Variants in SRP9 observed in about 807,000 individuals in gnomAD.
The protein encoded by SRP9 is signal recognition particle 9 kDa protein.
A neutral mutation model predicts 11.7 loss-of-function variants in SRP9; 2 were observed. That is an observed-to-expected ratio of 0.17 (90% CI 0.07 to 0.54). The LOEUF (loss-of-function observed/expected upper bound fraction) is 0.54. Among genes scored for constraint, SRP9 ranks in the 20% least tolerant of loss-of-function variants. The pLI is 0.94. For missense variants in SRP9, 54 were observed against 108.1 expected (o/e 0.50, Z 2.22); for synonymous variants, 27 against 35.6 (o/e 0.76, Z 0.86).
intron 2 of SRP9, among the ~76,000 whole-genome samples, chr1:225,784,524 C>T (rs1403578835): frequency 1.3e-5 from 2 of 151,376 alleles, no homozygotes; most frequent in Non-Finnish European, 2.9e-5. Flanking sequence ...GGTGGGATTA[C>T]AGGCATGAAC....
At chr1:225,780,111 T>G (rs948948143) in intron 1 of SRP9, among the ~76,000 whole-genome samples, 1 of 151,478 alleles carries the variant, frequency 6.6e-6, no homozygotes, top group Non-Finnish European at 1.5e-5. Context: ...TGAACTGGGC[T>G]CGAGTGATCC....
In SRP9 at chr1:225,786,763, T is replaced by C. The variant is rs76346426; in HGVS notation, c.142-2477T>C. 445 of 1,187,964 alleles carry C rather than the reference T, an allele frequency of 3.7e-4. 5 individuals carry two copies. The African/African-American group carries it at 7.0e-3, about 19-fold the overall frequency. The allele number at this position is 1,187,964 out of a possible 1,614,324, so 73.6% of individuals were successfully genotyped here. On this transcript the variant is annotated intron_variant, in intron 2 of 2. Transcript: ENST00000304786. ...GTATCATAGTGATAGTAAAAAAATA[T>C]ATGAAAGTATCTAACATGAGTGCTT...
chr1:225,780,033 C>T (rs545179136), intron 1 of SRP9, among the ~76,000 whole-genome samples: 1 of 152,288 alleles, frequency 6.6e-6, no homozygotes, highest in East Asian at 1.9e-4. Context: ...TCACCTCTTA[C>T]CCAGTCAGAA....
At chr1:225,778,768 A>G (rs1665736568) in intron 1 of SRP9, among the ~76,000 whole-genome samples, 1 of 152,194 alleles carries the variant, frequency 6.6e-6, no homozygotes, top group Admixed American at 6.5e-5. Flanking sequence ...TGTCATGTCT[A>G]AGAATTATTT....
rs1310533082 is a variant in SRP9, at chr1:225,789,527, A to G, written c.*168A>G. ...ATTACTTTAGAGAGCTAGGGATGCA[A>G]ATGTTTTCAGTTAGAAAGCCTTTAT... On this transcript the variant is annotated 3_prime_UTR_variant, in exon 3 of 3. Transcript: ENST00000304786. The G allele has an allele frequency of 2.9e-5, 19 of 647,942 alleles. No individual in the cohort carries two copies. Among genetic ancestry groups the G allele is most frequent in the Non-Finnish European group, 3.8e-5 (16 of 419,210 alleles). The allele number at this position is 647,942 out of a possible 1,614,324, so 40.1% of individuals were successfully genotyped here. A position where few individuals can be genotyped will look rare whatever the true frequency, so the allele number is the denominator to read the frequency against.
At chr1:225,782,922 T>G (rs1313070018) in intron 1 of SRP9, among the ~76,000 whole-genome samples, 2 of 152,216 alleles carry the variant, frequency 1.3e-5, no homozygotes, top group Non-Finnish European at 2.9e-5. Flanking sequence ...CTGCTAAATG[T>G]TTTCCTCCCT....
chr1:225,785,938 G>A (rs573617396), intron 2 of SRP9, among the ~76,000 whole-genome samples: 56 of 152,264 alleles, frequency 3.7e-4, no homozygotes, highest in African/African-American at 1.3e-3. Context: ...CACCCACCTC[G>A]GCCTCCCAAA....
intron 1 of SRP9, among the ~76,000 whole-genome samples, chr1:225,780,997 A>T (rs1051363422): frequency 9.8e-5 from 15 of 152,346 alleles, no homozygotes; most frequent in African/African-American, 3.4e-4. Flanking sequence ...TCCCAGTCAC[A>T]GTCTGACCCA....
At chr1:225,780,683 C>G (rs1472910245) in intron 1 of SRP9, among the ~76,000 whole-genome samples, 1 of 152,168 alleles carries the variant, frequency 6.6e-6, no homozygotes, top group African/African-American at 2.4e-5. Context: ...CAAGTCCATT[C>G]TCTTTCTGCT....
At chr1:225,781,550 C>G (rs1182666611) in intron 1 of SRP9, among the ~76,000 whole-genome samples, 4 of 152,026 alleles carry the variant, frequency 2.6e-5, no homozygotes, top group Non-Finnish European at 5.9e-5. Flanking sequence ...CAGACACCCA[C>G]CACCATGCCC....
intron 2 of SRP9, among the ~76,000 whole-genome samples, chr1:225,785,501 C>T (rs1455257764): frequency 6.6e-6 from 1 of 152,040 alleles, no homozygotes; most frequent in African/African-American, 2.4e-5. Flanking sequence ...CTGCCTCAGC[C>T]TCCTGAGTAG....
chr1:225,786,353 T>A (rs1294678799), intron 2 of SRP9, among the ~76,000 whole-genome samples: 1 of 152,264 alleles, frequency 6.6e-6, no homozygotes, highest in Non-Finnish European at 1.5e-5. Flanking sequence ...TTCTTACATG[T>A]CTTATTTCCA....
At position 225,783,157 on chromosome 1, in the gene SRP9, C is replaced by T. The variant is rs949109182; in HGVS notation, c.73-143C>T. ...GCTGATTTTTTTTTTAACTTCATTTCGGTTTAGTTTATAGTAAAAATGCCT... is the reference window on the plus strand; with the variant it reads ...GCTGATTTTTTTTTTAACTTCATTTTGGTTTAGTTTATAGTAAAAATGCCT... On this transcript the variant is annotated intron_variant, in intron 1 of 2. Transcript: ENST00000304786. The T allele has an allele frequency of 5.6e-6, 3 of 539,404 alleles. No homozygotes were observed. Among genetic ancestry groups the T allele is most frequent in the South Asian group, 3.2e-5 (1 of 30,786 alleles). 33.4% of individuals were successfully genotyped at this position (539,404 alleles called of 1,614,324 possible).
rs982580175 is a variant in SRP9, at chr1:225,789,461, G to A, written c.*102G>A. 2.2e-6 allele frequency: 3 copies of A among 1,395,064 alleles called. No homozygotes were observed. The highest frequency in any genetic ancestry group is 1.5e-5 in the African/African-American group (1 of 68,940). The allele number at this position is 1,395,064 out of a possible 1,614,324, so 86.4% of individuals were successfully genotyped here. A position where few individuals can be genotyped will look rare whatever the true frequency, so the allele number is the denominator to read the frequency against. ...AGTACTTTATGTAACTAAGTGGGCTGTTCAGAAGCTTAGAGGTCATTTTTT... is the reference window on the plus strand; with the variant it reads ...AGTACTTTATGTAACTAAGTGGGCTATTCAGAAGCTTAGAGGTCATTTTTT... On this transcript the variant is annotated 3_prime_UTR_variant, in exon 3 of 3. Coordinates refer to ENST00000304786, the MANE Select transcript of SRP9 (RefSeq NM_003133.6).
intron 2 of SRP9, among the ~76,000 whole-genome samples, chr1:225,788,382 G>A (rs1665958339): frequency 6.6e-6 from 1 of 150,506 alleles, no homozygotes; most frequent in Non-Finnish European, 1.5e-5. Flanking sequence ...GTGAGACACT[G>A]TCTCAAAAAT....
chr1:225,782,736 T>C (rs1466396687), intron 1 of SRP9, among the ~76,000 whole-genome samples: 2 of 152,230 alleles, frequency 1.3e-5, no homozygotes, highest in East Asian at 3.8e-4. Flanking sequence ...AAGGCAGAAT[T>C]CTGCTTTTAT....
chr1:225,785,616 G>A (rs1228990050), intron 2 of SRP9, among the ~76,000 whole-genome samples: 2 of 151,076 alleles, frequency 1.3e-5, no homozygotes, highest in Non-Finnish European at 2.9e-5. Flanking sequence ...TCCTGACCTC[G>A]TGATCTGCCC....
chr1:225,788,588 G>C (rs753555111), intron 2 of SRP9, among the ~76,000 whole-genome samples: 2 of 151,792 alleles, frequency 1.3e-5, no homozygotes, highest in Non-Finnish European at 2.9e-5. Context: ...GCTAATTTTT[G>C]TATTTTTAGT....
intron 2 of SRP9, among the ~76,000 whole-genome samples, chr1:225,787,467 G>A (rs1665941512): frequency 6.6e-6 from 1 of 152,166 alleles, no homozygotes; most frequent in Non-Finnish European, 1.5e-5. Flanking sequence ...CTGGGAGGCA[G>A]AGGTTGCAAT....
Sources: allele counts gnomAD v4.1 joint callset (sites outside exome capture counted in the v4.1 genomes callset), GRCh38; gene constraint gnomAD v4.1.1; transcripts MANE v1.5; gene names NCBI Gene and HGNC (gene_info 2026-07-23, HGNC 2026-07-21).